The following PHF3 variants were observed in gnomAD, a reference collection of about 807,000 sequenced individuals.
PHF3 encodes the protein PHD finger protein 3.
A neutral mutation model predicts 178.4 loss-of-function variants in PHF3; 41 were observed. The observed-to-expected ratio is 0.23, with a 90% CI of 0.18 to 0.30. The LOEUF is 0.30. Ranked by LOEUF, PHF3 falls within the 10% of genes least tolerant of loss-of-function variation. The pLI, the probability that PHF3 is intolerant of heterozygous loss-of-function variation, is 1.00. For missense variants in PHF3, 2,346 were observed against 2,398.1 expected (o/e 0.98, Z 0.45); for synonymous variants, 842 against 800.5 (o/e 1.05, Z -0.88).
Position 63,717,535 on chromosome 6 carries a change from T to C in PHF3, c.*3827T>C, listed in dbSNP as rs924179436. Reference sequence around the variant, plus strand: ...TTTCTGTTTCACAATTATAGTAATATGTAGAGCAAAAAAGTAGTGAGTTGA... The same window carrying C: ...TTTCTGTTTCACAATTATAGTAATACGTAGAGCAAAAAAGTAGTGAGTTGA... On this transcript the variant is annotated 3_prime_UTR_variant, in exon 16 of 16. Coordinates refer to ENST00000262043, the MANE Select transcript of PHF3 (RefSeq NM_001370348.2). 9.9e-5 allele frequency among the ~76,000 whole-genome samples: 15 copies of C among 151,938 alleles called. No homozygotes were observed. Among genetic ancestry groups the C allele is most frequent in the African/African-American group, 2.9e-4 (12 of 41,376 alleles).
intron 2 of PHF3, among the ~76,000 whole-genome samples, chr6:63,662,033 G>A (rs1765490389): frequency 6.6e-6 from 1 of 152,164 alleles, no homozygotes; most frequent in African/African-American, 2.4e-5. Context: ...ATCAGCGGTG[G>A]CATTAGATTT....
In PHF3 at chr6:63,684,580, TAA is replaced by T; in HGVS notation, c.859_860del (p.Lys287ValfsTer4). On this transcript the variant is annotated frameshift_variant, in exon 4 of 16. Coordinates refer to ENST00000262043, the MANE Select transcript of PHF3 (RefSeq NM_001370348.2). LOFTEE classifies it high-confidence loss of function. ...KAKPVGSPLF[K>X]FSDKEEHEQN... ...CCAAGCCTGTTGGTAGTCCATTGTT[TAA>T]GTTTTCAGATAAAGAAGAACATGAA... 1 of 1,613,974 alleles carries T rather than the reference TAA, an allele frequency of 6.2e-7. No individual in the cohort carries two copies. The highest frequency in any genetic ancestry group is 8.5e-7 in the Non-Finnish European group (1 of 1,179,900).
At chr6:63,707,077 C>T (rs1021892226) in intron 13 of PHF3, among the ~76,000 whole-genome samples, 3 of 152,170 alleles carry the variant, frequency 2.0e-5, no homozygotes, top group Non-Finnish European at 2.9e-5. Context: ...TTTTAAACTC[C>T]TATGTCCTGC....
chr6:63,702,375 T>G, intron 9 of PHF3, 133 bp from the exon 10 acceptor site: 1 of 537,496 alleles, frequency 1.9e-6, no homozygotes, highest in South Asian at 3.6e-5. Context: ...GTTTGTTATA[T>G]GAGACATTAC....
In PHF3 at chr6:63,713,987, G is replaced by A. The variant is rs1315734738; in HGVS notation, c.*279G>A. ...TTTGTTTTATTAATATGCAATAAAG[G>A]CTTAGAAATTTTAGTTTTATTCCTT... On this transcript the variant is annotated 3_prime_UTR_variant, in exon 16 of 16. Coordinates refer to ENST00000262043, the MANE Select transcript of PHF3 (RefSeq NM_001370348.2). The A allele has an allele frequency of 1.5e-5, 4 of 267,672 alleles. No homozygotes were observed. Among genetic ancestry groups the A allele is most frequent in the Non-Finnish European group, 2.8e-5 (4 of 144,412 alleles). The allele number at this position is 267,672 out of a possible 1,614,324, so 16.6% of individuals were successfully genotyped here.
At chr6:63,639,098 C>T (rs1252806720) in intron 1 of PHF3, among the ~76,000 whole-genome samples, 1 of 152,024 alleles carries the variant, frequency 6.6e-6, no homozygotes, top group Non-Finnish European at 1.5e-5. Flanking sequence ...AATTATTGTC[C>T]TGCATAATGT....
At chr6:63,671,107 T>C (rs74651814) in intron 2 of PHF3, among the ~76,000 whole-genome samples, 3 of 136,560 alleles carry the variant, frequency 2.2e-5, no homozygotes, top group African/African-American at 5.5e-5. Context: ...GTCGAGCTGC[T>C]TTTTTTTTTT....
At chr6:63,641,125 A>G (rs1378192803) in intron 1 of PHF3, among the ~76,000 whole-genome samples, 1 of 152,208 alleles carries the variant, frequency 6.6e-6, no homozygotes, top group African/African-American at 2.4e-5. Context: ...TTTGGTAAGC[A>G]TGCCTGATGA....
rs767394218 is a variant in PHF3, at chr6:63,685,597, A to G, written c.1875A>G (p.Lys625=). The change falls in exon 4 of 16, where the codon AAA becomes AAG. Residue 625 remains lysine (K), a synonymous_variant. Coordinates refer to ENST00000262043, the MANE Select transcript of PHF3 (RefSeq NM_001370348.2). ...GACATGTATCACATTCTAGCCAGAAACAGTGTCATAAGCCTCAGCAACAGG... is the reference window on the plus strand; with the variant it reads ...GACATGTATCACATTCTAGCCAGAAGCAGTGTCATAAGCCTCAGCAACAGG... ...QTGHVSHSSQ[K]QCHKPQQQAP... 15 of 1,613,996 alleles carry G rather than the reference A, an allele frequency of 9.3e-6. No individual in the cohort carries two copies. The highest frequency in any genetic ancestry group is 1.6e-4 in the Middle Eastern group (1 of 6,084).
chr6:63,670,502 G>A (rs1040177918), intron 2 of PHF3, among the ~76,000 whole-genome samples: 1 of 152,054 alleles, frequency 6.6e-6, no homozygotes, highest in African/African-American at 2.4e-5. Flanking sequence ...TAGCCAGGAT[G>A]GTCTCGATCT....
rs750711376 is a variant in PHF3 at position 63,684,678 on chromosome 6, A to G, written c.956A>G (p.Glu319Gly). The part of the protein sequence containing the change: ...VEEMIATRKV[E>G]QDSKETVKLS... ...GAAATGATAGCAACAAGAAAAGTTG[A>G]ACAAGATTCAAAGGAGACAGTAAAA... The change falls in exon 4 of 16, where the codon GAA (glutamate) becomes GGA (glycine). Residue 319 changes from glutamate (E) to glycine (G), a missense_variant. Physicochemically the swap from Glu to Gly is moderately conservative, Grantham distance 98. This residue lies in a region of PHF3 where 843 missense variants were observed against 795.2 expected (regional missense o/e 1.06). Coordinates refer to ENST00000262043, the MANE Select transcript of PHF3 (RefSeq NM_001370348.2). 6.2e-7 allele frequency: 1 copy of G among 1,613,850 alleles called. No individual in the cohort carries two copies. The highest frequency in any genetic ancestry group is 8.5e-7 in the Non-Finnish European group (1 of 1,179,898).
chr6:63,666,240 C>A (rs1765676756), intron 2 of PHF3, among the ~76,000 whole-genome samples: 1 of 152,048 alleles, frequency 6.6e-6, no homozygotes, highest in Non-Finnish European at 1.5e-5. Flanking sequence ...CATTAAAGAG[C>A]TTTGCTGAAT....
rs1472148019 is a variant in PHF3 at position 63,723,800 on chromosome 6, T to C, written c.*10092T>C. Among the ~76,000 whole-genome samples the C allele has an allele frequency of 8.5e-6, 1 of 118,148 alleles. No individual in the cohort carries two copies. The highest frequency in any genetic ancestry group is 1.8e-5 in the Non-Finnish European group (1 of 54,182). The allele number at this position is 118,148 out of a possible 152,430, so 77.5% of individuals were successfully genotyped here. A position where few individuals can be genotyped will look rare whatever the true frequency, so the allele number is the denominator to read the frequency against. On this transcript the variant is annotated 3_prime_UTR_variant, in exon 16 of 16. Transcript: ENST00000262043. Reference sequence around the variant, plus strand: ...AAGTACACATTGGCATTATTATTATTATTATTATTATTATTATTATTATTA... The same window carrying C: ...AAGTACACATTGGCATTATTATTATCATTATTATTATTATTATTATTATTA...
chr6:63,720,686 A>G lies in PHF3; in HGVS notation c.*6978A>G, dbSNP rs1402274348. On this transcript the variant is annotated 3_prime_UTR_variant, in exon 16 of 16. Transcript: ENST00000262043. The stretch of plus-strand genomic sequence containing the variant: ...TGTTTTTTGGTTCCTGAAAAAATAC[A>G]ACATCTTTAATTTTGCCAACAAAAT... 4.5e-6 allele frequency: 7 copies of G among 1,545,834 alleles called. No individual in the cohort carries two copies. The highest frequency in any genetic ancestry group is 6.1e-6 in the Non-Finnish European group (7 of 1,145,362).
At chr6:63,692,253 C>T (rs1767040677) in intron 5 of PHF3, among the ~76,000 whole-genome samples, 1 of 152,114 alleles carries the variant, frequency 6.6e-6, no homozygotes, top group Non-Finnish European at 1.5e-5. Flanking sequence ...CAGGCCTTAT[C>T]TCTTACAGTC....
At position 63,720,367 on chromosome 6, in the gene PHF3, C is replaced by T. The variant is rs1175317223; in HGVS notation, c.*6659C>T. The T allele has an allele frequency of 2.2e-6, 1 of 460,628 alleles. No homozygotes were observed. Among genetic ancestry groups the T allele is most frequent in the Admixed American group, 3.8e-5 (1 of 26,020 alleles). The allele number at this position is 460,628 out of a possible 1,614,324, so 28.5% of individuals were successfully genotyped here. On this transcript the variant is annotated 3_prime_UTR_variant, in exon 16 of 16. Transcript: ENST00000262043. ...GCACATTCTGTGAATAAGCACTGAA[C>T]TAATGGAGTTAAAACATGAATCAAA... is the stretch of plus-strand genomic sequence containing the variant.
intron 13 of PHF3, among the ~76,000 whole-genome samples, chr6:63,707,230 A>T (rs1767732829): frequency 6.6e-6 from 1 of 152,216 alleles, no homozygotes; most frequent in South Asian, 2.1e-4. Flanking sequence ...CACATTAAGA[A>T]TTTTTTGTTA....
At position 63,706,205 on chromosome 6, in the gene PHF3, A is replaced by G. The variant is rs1031862232; in HGVS notation, c.3544A>G (p.Thr1182Ala). Residue 1182 changes from threonine to alanine, a missense_variant, in exon 12 of 16, where the codon ACG becomes GCG. Thr to Ala is a moderately conservative substitution (Grantham distance 58, BLOSUM62 0). Around this residue, in one of 8 missense-constraint regions of PHF3, gnomAD observed 205 missense variants for 212.4 expected, o/e 0.97. Transcript: ENST00000262043. ...GGAGAAACAGGAGTCTCCAAAGTCA[A>G]CGTTCTCTCCTGCTCCACGGTAATT... ...EEEKQESPKS[T>A]FSPAPRPEMP... The G allele has an allele frequency of 3.7e-6, 6 of 1,613,334 alleles. No homozygotes were observed. Among genetic ancestry groups the G allele is most frequent in the African/African-American group, 1.3e-5 (1 of 75,004 alleles).
At chr6:63,665,477 TTTTTTTTTG>T (rs1255829129) in intron 2 of PHF3, among the ~76,000 whole-genome samples, 1 of 125,548 alleles carries the variant, frequency 8.0e-6, no homozygotes, top group African/African-American at 3.5e-5. Context: ...CGCTTTGTGG[TTTTTTTTTG>T]TTTTTTTTTT....
Sources: allele counts gnomAD v4.1 joint callset (sites outside exome capture counted in the v4.1 genomes callset), GRCh38; gene constraint gnomAD v4.1.1; regional missense constraint gnomAD v4.1.1; transcripts MANE v1.5; gene names NCBI Gene and HGNC (gene_info 2026-07-23, HGNC 2026-07-21).